Variants in SUGCT observed in about 807,000 individuals in gnomAD.
SUGCT encodes succinyl-CoA:glutarate CoA-transferase.
In SUGCT, 41 loss-of-function variants were observed where a neutral mutation model predicts 55.0. The observed-to-expected ratio is 0.74, with a 90% CI of 0.58 to 0.97. The LOEUF (loss-of-function observed/expected upper bound fraction) is 0.97, where lower values mean the gene tolerates loss of function less well. Ranked by LOEUF, SUGCT falls within the 50% of genes least tolerant of loss-of-function variation. The probability of loss-of-function intolerance (pLI) is 0.00; values close to 1 mark genes in which losing one functional copy is unlikely to be tolerated. For synonymous variants in SUGCT, 187 were observed against 200.4 expected, an observed-to-expected ratio of 0.93 and a Z score of 0.56; for missense variants, 568 against 547.8, an observed-to-expected ratio of 1.04 and a Z score of -0.37.
chr7:40,279,980 T>TTTGATTATATTACA (rs1792846160), intron 8 of SUGCT, among the ~76,000 whole-genome samples: 1 of 152,186 alleles, frequency 6.6e-6, no homozygotes, highest in Non-Finnish European at 1.5e-5. Context: ...TCCTACTCAT[T>TTTGATTATATTACA]TTGATTATAT....
intron 12 of SUGCT, among the ~76,000 whole-genome samples, chr7:40,604,911 G>A (rs867662878): frequency 2.6e-5 from 4 of 152,226 alleles, no homozygotes; most frequent in African/African-American, 9.6e-5. Flanking sequence ...GCAAGGACAG[G>A]AGGTCAGCAC....
intron 13 of SUGCT, among the ~76,000 whole-genome samples, chr7:40,850,147 C>T (rs907426974): frequency 1.1e-4 from 16 of 152,126 alleles, no homozygotes; most frequent in South Asian, 4.1e-4. Context: ...AGTTCAGTTT[C>T]AAGCTGAGAT....
intron 12 of SUGCT, among the ~76,000 whole-genome samples, chr7:40,699,939 A>G (rs1026421729): frequency 2.0e-5 from 3 of 152,230 alleles, no homozygotes; most frequent in Non-Finnish European, 4.4e-5. Flanking sequence ...CATCAGAATC[A>G]GAACCCAGGC....
intron 12 of SUGCT, among the ~76,000 whole-genome samples, chr7:40,642,496 A>G (rs1353444359): frequency 2.0e-5 from 3 of 152,202 alleles, no homozygotes; most frequent in Admixed American, 2.0e-4. Context: ...AGGGCATGAT[A>G]TAACTCCTGT....
At chr7:40,684,179 G>A in intron 12 of SUGCT, 1 of 1,546,168 alleles carries the variant, frequency 6.5e-7, no homozygotes, top group Non-Finnish European at 8.7e-7. Context: ...CTGCAGCCAG[G>A]AAAGGATAAT....
At chr7:40,317,571 T>G (rs531676975) in intron 9 of SUGCT, among the ~76,000 whole-genome samples, 1 of 152,310 alleles carries the variant, frequency 6.6e-6, no homozygotes, top group Non-Finnish European at 1.5e-5. Flanking sequence ...ATTGTATATC[T>G]TCTCACAATC....
chr7:40,182,469 G>A (rs1785271573), intron 3 of SUGCT, among the ~76,000 whole-genome samples: 1 of 151,762 alleles, frequency 6.6e-6, no homozygotes, highest in Non-Finnish European at 1.5e-5. Context: ...GGCTGAGGCA[G>A]GAGAATCACT....
chr7:40,258,604 C>T (rs1207584983), intron 7 of SUGCT, among the ~76,000 whole-genome samples: 1 of 152,180 alleles, frequency 6.6e-6, no homozygotes, highest in African/African-American at 2.4e-5. Context: ...GTCTCGAACT[C>T]CTGACCTCGT....
chr7:40,970,415 G>A, the SUGCT span, among the ~76,000 whole-genome samples: 17 of 152,176 alleles, frequency 1.1e-4, no homozygotes, highest in East Asian at 5.8e-4. Flanking sequence ...CAAGTGATCC[G>A]TCTGTCTTGG....
At chr7:40,363,397 G>A (rs574192833) in intron 9 of SUGCT, among the ~76,000 whole-genome samples, 8 of 152,162 alleles carry the variant, frequency 5.3e-5, no homozygotes, top group African/African-American at 1.9e-4. Context: ...TCTTTTAATT[G>A]TGATGTTACG....
chr7:40,719,728 G>GC (rs1786218469), intron 12 of SUGCT, among the ~76,000 whole-genome samples: 1 of 152,166 alleles, frequency 6.6e-6, no homozygotes, highest in Admixed American at 6.5e-5. Flanking sequence ...AAATAAAGGT[G>GC]CATAAGGGAA....
At chr7:40,800,581 C>A (rs893898359) in intron 13 of SUGCT, among the ~76,000 whole-genome samples, 2 of 152,086 alleles carry the variant, frequency 1.3e-5, no homozygotes, top group African/African-American at 4.8e-5. Context: ...CGTGAGCCAC[C>A]GCGCCTGGCC....
chr7:40,390,149 C>G (rs1368412103), intron 9 of SUGCT, among the ~76,000 whole-genome samples: 8 of 152,120 alleles, frequency 5.3e-5, no homozygotes, highest in African/African-American at 1.7e-4. Flanking sequence ...ATAATATGAG[C>G]TATTTATGAC....
intron 13 of SUGCT, among the ~76,000 whole-genome samples, chr7:40,755,979 G>A (rs773804927): frequency 2.0e-5 from 3 of 152,184 alleles, no homozygotes; most frequent in Non-Finnish European, 2.9e-5. Context: ...GGTGTTGGAT[G>A]CAGAGACAGT....
At chr7:40,615,069 AAAAG>A (rs1336830699) in intron 12 of SUGCT, among the ~76,000 whole-genome samples, 3 of 151,962 alleles carry the variant, frequency 2.0e-5, no homozygotes, top group African/African-American at 7.2e-5. Flanking sequence ...AGAAAAAAAA[AAAAG>A]AAAGAAAAAA....
chr7:40,322,395 C>T (rs1004670238), intron 9 of SUGCT, among the ~76,000 whole-genome samples: 1 of 152,270 alleles, frequency 6.6e-6, no homozygotes, highest in Non-Finnish European at 1.5e-5. Context: ...TACCACTATA[C>T]TAAGTGCTTA....
the SUGCT span, among the ~76,000 whole-genome samples, chr7:40,983,277 T>C: frequency 6.6e-6 from 1 of 152,196 alleles, no homozygotes; most frequent in African/African-American, 2.4e-5. Flanking sequence ...TGTTTACTGC[T>C]ACTGAACACA....
chr7:40,432,859 T>C (rs1016624561), intron 9 of SUGCT, among the ~76,000 whole-genome samples: 4 of 152,180 alleles, frequency 2.6e-5, no homozygotes, highest in African/African-American at 9.7e-5. Context: ...GGGAAGTTTT[T>C]AGCCATTATT....
the SUGCT span, among the ~76,000 whole-genome samples, chr7:41,012,764 T>TA: frequency 0.059 from 8,676 of 146,504 alleles, 810 homozygotes; most frequent in African/African-American, 0.2. Flanking sequence ...CCAGAGAAAC[T>TA]AAAAAAAAAA....
Sources: allele counts gnomAD v4.1 joint callset (sites outside exome capture counted in the v4.1 genomes callset), GRCh38; gene constraint gnomAD v4.1.1; transcripts MANE v1.5; gene names NCBI Gene and HGNC (gene_info 2026-07-23, HGNC 2026-07-21).